Variants in DAB1 observed in about 807,000 individuals in gnomAD.
DAB1 encodes the protein DAB adaptor protein 1, also known as disabled homolog 1.
Under a neutral mutation model 64.6 loss-of-function variants are expected in DAB1, and 15 were observed. The ratio of observed to expected loss-of-function variants is 0.23; its 90% confidence interval spans 0.16 to 0.36. The LOEUF is 0.36. Among genes scored for constraint, DAB1 ranks in the 10% least tolerant of loss-of-function variants. The probability of loss-of-function intolerance (pLI) is 1.00; values close to 1 mark genes in which losing one functional copy is unlikely to be tolerated. For missense variants in DAB1, 596 were observed against 706.7 expected, an observed-to-expected ratio of 0.84 and a Z score of 1.78; for synonymous variants, 235 against 251.9, an observed-to-expected ratio of 0.93 and a Z score of 0.64.
chr1:58,001,682 T>C (rs974286606), intron 5 of DAB1, among the ~76,000 whole-genome samples: 12 of 152,138 alleles, frequency 7.9e-5, no homozygotes, highest in African/African-American at 2.9e-4. Flanking sequence ...CCACAGATTA[T>C]CCCTCTGCTG....
chr1:57,448,616 GA>G (rs1209842938), intron 7 of DAB1, among the ~76,000 whole-genome samples: 5 of 152,062 alleles, frequency 3.3e-5, no homozygotes. Flanking sequence ...ACTCAACAAA[GA>G]ATAAATTCTT....
intron 2 of DAB1, among the ~76,000 whole-genome samples, chr1:57,244,288 A>G (rs1021849124): frequency 1.1e-4 from 16 of 152,234 alleles, no homozygotes; most frequent in Non-Finnish European, 2.9e-5. Context: ...TTGTACTCCA[A>G]ACACCCAATA....
chr1:57,386,130 G>A (rs1374971926), intron 1 of DAB1, among the ~76,000 whole-genome samples: 1 of 152,078 alleles, frequency 6.6e-6, no homozygotes, highest in Non-Finnish European at 1.5e-5. Flanking sequence ...GTGAGTTAAG[G>A]GAAGTCAAGA....
chr1:57,887,397 TA>T (rs1271361536), upstream of DAB1, among the ~76,000 whole-genome samples: 3 of 152,192 alleles, frequency 2.0e-5, no homozygotes, highest in African/African-American at 7.2e-5. Flanking sequence ...GAATTAAACA[TA>T]AATACCCGAA....
intron 1 of DAB1, among the ~76,000 whole-genome samples, chr1:57,343,539 C>T (rs1373632241): frequency 3.3e-5 from 5 of 152,206 alleles, no homozygotes; most frequent in African/African-American, 1.2e-4. Context: ...CACAAGAGCC[C>T]ACGGAGGTCG....
chr1:57,367,080 A>AAATAAAATAAAATAAAATAAAATAAAAT, intron 1 of DAB1, among the ~76,000 whole-genome samples: 1 of 123,590 alleles, frequency 8.1e-6, no homozygotes, highest in Non-Finnish European at 1.8e-5. Context: ...AAATAAAATA[A>AAATAAAATAAAATAAAATAAAATAAAAT]AATAAAATAA....
At chr1:58,202,331 G>A (rs1330238289) in intron 4 of DAB1, among the ~76,000 whole-genome samples, 2 of 152,172 alleles carry the variant, frequency 1.3e-5, no homozygotes, top group Non-Finnish European at 2.9e-5. Flanking sequence ...AATTGCCACT[G>A]AGTAACCCTC....
chr1:58,489,153 A>C (rs1338272794), intron 3 of DAB1, among the ~76,000 whole-genome samples: 3 of 152,180 alleles, frequency 2.0e-5, no homozygotes, highest in South Asian at 2.1e-4. Context: ...GCATCGTGTC[A>C]CCCGGGAAGT....
At chr1:58,102,348 T>G (rs988745371) in intron 5 of DAB1, among the ~76,000 whole-genome samples, 1 of 152,134 alleles carries the variant, frequency 6.6e-6, no homozygotes, top group Non-Finnish European at 1.5e-5. Context: ...AAAGAGAGTG[T>G]GATCAAGCTG....
chr1:57,889,571 C>A (rs544483882), intron 5 of DAB1, among the ~76,000 whole-genome samples: 2 of 152,270 alleles, frequency 1.3e-5, no homozygotes, highest in South Asian at 4.1e-4. Context: ...TGTCACTAAG[C>A]CTGACTACAG....
intron 6 of DAB1, among the ~76,000 whole-genome samples, chr1:57,683,434 A>G (rs1371601080): frequency 3.3e-5 from 5 of 152,214 alleles, no homozygotes. Context: ...GCAAGGAAAT[A>G]CAAAAGAGCC....
chr1:58,423,263 T>A (rs1245901427), intron 3 of DAB1, among the ~76,000 whole-genome samples: 1 of 152,194 alleles, frequency 6.6e-6, no homozygotes, highest in Non-Finnish European at 1.5e-5. Flanking sequence ...TACATCCCAG[T>A]CTTAGACCTC....
intron 7 of DAB1, among the ~76,000 whole-genome samples, chr1:57,574,661 G>C (rs1025472316): frequency 1.3e-5 from 2 of 152,100 alleles, no homozygotes; most frequent in Non-Finnish European, 2.9e-5. Flanking sequence ...AGATTAGGAG[G>C]GAAGACTGCA....
chr1:57,127,872 G>A (rs1044724283), intron 4 of DAB1, among the ~76,000 whole-genome samples: 5 of 152,140 alleles, frequency 3.3e-5, no homozygotes, highest in African/African-American at 9.7e-5. Flanking sequence ...TCCTGTCCGG[G>A]CGTGGTAGTT....
intron 7 of DAB1, among the ~76,000 whole-genome samples, chr1:57,437,762 A>T (rs1414360900): frequency 1.3e-5 from 2 of 152,182 alleles, no homozygotes; most frequent in Non-Finnish European, 2.9e-5. Context: ...AGGATTCTTA[A>T]TATATTTTCA....
At chr1:58,328,328 A>G (rs1193746892) in intron 4 of DAB1, among the ~76,000 whole-genome samples, 1 of 152,182 alleles carries the variant, frequency 6.6e-6, no homozygotes, top group Non-Finnish European at 1.5e-5. Flanking sequence ...TGCTTCTCCA[A>G]CCCTACTCCC....
At chr1:57,873,499 A>C (rs1643989840) in intron 1 of DAB1, among the ~76,000 whole-genome samples, 1 of 152,222 alleles carries the variant, frequency 6.6e-6, no homozygotes, top group African/African-American at 2.4e-5. Flanking sequence ...GAGGAAGCCA[A>C]GTAGTTTCAC....
intron 6 of DAB1, among the ~76,000 whole-genome samples, chr1:57,752,166 T>C (rs1292149833): frequency 6.6e-6 from 1 of 152,246 alleles, no homozygotes; most frequent in African/African-American, 2.4e-5. Flanking sequence ...ATATAATTTC[T>C]GGTAAACACT....
chr1:58,450,001 A>G (rs149079405), intron 3 of DAB1, among the ~76,000 whole-genome samples: 1,732 of 152,340 alleles, frequency 0.011, 37 homozygotes, highest in African/African-American at 0.039. Context: ...GCATAAAAGA[A>G]TGAGGGATAT....
Sources: allele counts gnomAD v4.1 joint callset (sites outside exome capture counted in the v4.1 genomes callset), GRCh38; gene constraint gnomAD v4.1.1; transcripts MANE v1.5; gene names NCBI Gene and HGNC (gene_info 2026-07-23, HGNC 2026-07-21).